DNAH9: variants seen among roughly 807,000 people sequenced by gnomAD.
DNAH9 encodes the protein DNAH9 variant protein.
In DNAH9, 345 loss-of-function variants were observed where a neutral mutation model predicts 471.6. The ratio of observed to expected loss-of-function variants is 0.73; its 90% confidence interval spans 0.67 to 0.80. The LOEUF is 0.80. DNAH9 is among the 30% of genes least tolerant of loss of function. DNAH9 has a pLI of 0.00. For synonymous variants in DNAH9, 2,093 were observed against 2,123.6 expected, an observed-to-expected ratio of 0.99 and a Z score of 0.40; for missense variants, 5,407 against 5,609.2, an observed-to-expected ratio of 0.96 and a Z score of 1.15.
intron 68 of DNAH9, among the ~76,000 whole-genome samples, chr17:11,963,798 A>G (rs1312947074): frequency 6.6e-6 from 1 of 152,248 alleles, no homozygotes; most frequent in East Asian, 1.9e-4. Context: ...GTATTCATTC[A>G]TTCCATATAG....
intron 30 of DNAH9, among the ~76,000 whole-genome samples, chr17:11,743,088 G>A (rs1363513631): frequency 6.6e-6 from 1 of 152,082 alleles, no homozygotes; most frequent in East Asian, 1.9e-4. Context: ...TCCCCCGAGT[G>A]TTTAAAAAGC....
chr17:11,741,189 A>T lies in DNAH9; in HGVS notation c.5973-986A>T, dbSNP rs1158175468. Among the ~76,000 whole-genome samples, 6 of 152,348 alleles carry T rather than the reference A, an allele frequency of 3.9e-5. No homozygotes were observed. In the East Asian group the frequency reaches 1.2e-3, roughly 29 times the overall value. ...CGAATGAAATGTTTTTGAAAATTTC[A>T]TATCAGTATAGGGAAAATGCAATTA... On this transcript the variant is annotated intron_variant, in intron 29 of 68. Coordinates refer to ENST00000262442, the MANE Select transcript of DNAH9 (RefSeq NM_001372.4).
At chr17:11,762,936 T>C (rs920085759) in intron 35 of DNAH9, among the ~76,000 whole-genome samples, 3 of 151,702 alleles carry the variant, frequency 2.0e-5, no homozygotes, top group African/African-American at 7.3e-5. Flanking sequence ...CCCGCCACCG[T>C]GCCCGGCTAA....
At chr17:11,644,150 G>C (rs140249266) in intron 10 of DNAH9, among the ~76,000 whole-genome samples, 202 of 152,234 alleles carry the variant, frequency 1.3e-3, no homozygotes, top group African/African-American at 4.5e-3. Flanking sequence ...ATGTCAACAG[G>C]CAATAGGAAT....
At chr17:11,885,596 T>G (rs746769551) in intron 56 of DNAH9, among the ~76,000 whole-genome samples, 2 of 152,238 alleles carry the variant, frequency 1.3e-5, no homozygotes, top group African/African-American at 4.8e-5. Flanking sequence ...ATAACTATAC[T>G]CTTATTTTTA....
At chr17:11,709,059 T>C (rs1447509352) in intron 26 of DNAH9, among the ~76,000 whole-genome samples, 1 of 152,332 alleles carries the variant, frequency 6.6e-6, no homozygotes, top group East Asian at 1.9e-4. Flanking sequence ...AGATTTGTCT[T>C]TTCCCTGGGC....
rs767305540 is a variant in DNAH9, at chr17:11,854,385, C to T, written c.9890C>T (p.Thr3297Ile). Residue 3297 changes from threonine to isoleucine, a missense_variant, in exon 50 of 69, where the codon ACA becomes ATA. Thr to Ile is a moderately conservative substitution (Grantham distance 89, BLOSUM62 -1). Transcript: ENST00000262442. ...CTGAACAAAGCCACCGCGGACCTCACAGCTGCCCAGGAGAAGCTGGCTGCC... is the reference window on the plus strand; with the variant it reads ...CTGAACAAAGCCACCGCGGACCTCATAGCTGCCCAGGAGAAGCTGGCTGCC... ...QALNKATADLTAAQEKLAAIK... is the reference protein window; with the variant it reads ...QALNKATADLIAAQEKLAAIK... 3.7e-6 allele frequency: 6 copies of T among 1,613,978 alleles called. No individual in the cohort carries two copies. The highest frequency in any genetic ancestry group is 2.2e-5 in the South Asian group (2 of 91,076).
Position 11,727,885 on chromosome 17 carries a change from G to A in DNAH9, c.5777G>A (p.Arg1926Gln), listed in dbSNP as rs866019340. ...GAWGCFDEFNRISVEVLSVVA... is the reference protein window; with the variant it reads ...GAWGCFDEFNQISVEVLSVVA... Reference sequence around the variant, plus strand: ...TGGGGCTGCTTTGATGAGTTTAATCGAATCTCCGTGGAGGTCTTGTCAGTG... The same window carrying A: ...TGGGGCTGCTTTGATGAGTTTAATCAAATCTCCGTGGAGGTCTTGTCAGTG... Residue 1926 changes from arginine (R) to glutamine (Q), a missense_variant, in exon 28 of 69, where the codon CGA becomes CAA. By Grantham distance (43) the Arg-to-Gln change is conservative. Around this residue, in one of 3 missense-constraint regions of DNAH9, gnomAD observed 4,636 missense variants for 4,900.3 expected, o/e 0.95. Transcript: ENST00000262442. 2.5e-6 allele frequency: 4 copies of A among 1,614,086 alleles called. No homozygotes were observed. The highest frequency in any genetic ancestry group is 2.5e-6 in the Non-Finnish European group (3 of 1,179,966).
intron 2 of DNAH9, among the ~76,000 whole-genome samples, chr17:11,609,973 A>G (rs1296674983): frequency 1.3e-5 from 2 of 152,212 alleles, no homozygotes; most frequent in East Asian, 1.9e-4. Flanking sequence ...GGGAGAGCCA[A>G]CCTATTGAGA....
chr17:11,906,750 C>T (rs981538125), intron 61 of DNAH9, among the ~76,000 whole-genome samples: 2 of 152,022 alleles, frequency 1.3e-5, no homozygotes, highest in African/African-American at 4.8e-5. Context: ...CATTATCCTC[C>T]ACTAACTAAT....
chr17:11,665,739 A>G (rs1413139161), intron 15 of DNAH9, among the ~76,000 whole-genome samples: 1 of 152,266 alleles, frequency 6.6e-6, no homozygotes, highest in Non-Finnish European at 1.5e-5. Context: ...GGATTTGTCA[A>G]AATGGTAAGG....
At chr17:11,867,345 A>G (rs1028235079) in intron 50 of DNAH9, among the ~76,000 whole-genome samples, 1 of 151,896 alleles carries the variant, frequency 6.6e-6, no homozygotes, top group Non-Finnish European at 1.5e-5. Context: ...GTTTTCTTCC[A>G]TCTTTTTGTT....
intron 13 of DNAH9, 117 bp downstream of exon 13, chr17:11,651,441 T>A (rs2073504809): frequency 9.2e-7 from 1 of 1,086,672 alleles, no homozygotes; most frequent in Admixed American, 2.6e-5. Context: ...CATAAGTCTG[T>A]CTTCTCCTTT....
At chr17:11,891,506 T>C (rs751150952) in intron 57 of DNAH9, among the ~76,000 whole-genome samples, 3 of 152,090 alleles carry the variant, frequency 2.0e-5, no homozygotes, top group African/African-American at 4.8e-5. Context: ...GCTGGAATTA[T>C]AGGCATGCAC....
intron 33 of DNAH9, 118 bp from the exon 34 acceptor site, chr17:11,756,450 A>G: frequency 2.9e-6 from 2 of 695,230 alleles, no homozygotes; most frequent in East Asian, 2.5e-5. Flanking sequence ...GCCAAACCAT[A>G]TAAAGGAAAT....
At position 11,652,931 on chromosome 17, in the gene DNAH9, C is replaced by T. The variant is rs16945138; in HGVS notation, c.2524C>T (p.Arg842Trp). The T allele has an allele frequency of 8.9e-3, 14,365 of 1,613,652 alleles. 1,087 individuals carry two copies. In the African/African-American group the frequency reaches 0.16, roughly 18 times the overall value. Reference sequence around the variant, plus strand: ...GGAATCCCTTCTTTCTCTGGATGATCGGCATGATCGAATGGAAAAATATTA... The same window carrying T: ...GGAATCCCTTCTTTCTCTGGATGATTGGCATGATCGAATGGAAAAATATTA... ...KRESLLSLDD[R>W]HDRMEKYYNL... The change falls in exon 14 of 69, where the codon CGG (arginine) becomes TGG (tryptophan). Residue 842 changes from arginine to tryptophan, a missense_variant. This residue lies in a region of DNAH9 where 4,636 missense variants were observed against 4,900.3 expected (regional missense o/e 0.95). Coordinates refer to ENST00000262442, the MANE Select transcript of DNAH9 (RefSeq NM_001372.4).
rs1488906708 is a variant in DNAH9 at position 11,877,876 on chromosome 17, A to G, written c.10479-2202A>G. ...CAGCCTTCCGAGTAGCTGGGATCAC[A>G]GGCGTGTGCCACTATGCCTGGCTAA... On this transcript the variant is annotated intron_variant, in intron 53 of 68. Coordinates refer to ENST00000262442, the MANE Select transcript of DNAH9 (RefSeq NM_001372.4). Among the ~76,000 whole-genome samples the G allele has an allele frequency of 2.0e-5, 3 of 152,226 alleles. No homozygotes were observed. The East Asian group carries it at 5.8e-4, about 29-fold the overall frequency.
At chr17:11,669,936 G>T in intron 17 of DNAH9, 142 bp downstream of exon 17, 1 of 726,490 alleles carries the variant, frequency 1.4e-6, no homozygotes, top group East Asian at 2.6e-5. Flanking sequence ...CTAGGCTTTT[G>T]GACACCATGG....
At position 11,813,235 on chromosome 17, in the gene DNAH9, A is replaced by C. The variant is rs1220089406; in HGVS notation, c.8707+2866A>C. Among the ~76,000 whole-genome samples the C allele has an allele frequency of 4.6e-5, 7 of 152,062 alleles. No homozygotes were observed. The East Asian group carries it at 1.4e-3, about 29-fold the overall frequency. ...ATTTTAAGGCTTCTATATATTCTTT[A>C]AGGAAAAAAAAAAAGGTAAAATTTG... On this transcript the variant is annotated intron_variant, in intron 45 of 68. Transcript: ENST00000262442.
Sources: gnomAD v4.1 joint callset for allele counts (sites outside exome capture counted in the v4.1 genomes callset) on GRCh38, gnomAD v4.1.1 for gene constraint, gnomAD v4.1.1 regional missense constraint, MANE v1.5 for transcripts, NCBI Gene and HGNC (gene_info 2026-07-23, HGNC 2026-07-21) for gene names.